Variants in LRP5 observed in about 807,000 individuals in gnomAD.
LRP5 encodes LDL receptor related protein 5.
In LRP5, 62 loss-of-function variants were observed where a neutral mutation model predicts 154.1. The ratio of observed to expected loss-of-function variants is 0.40; its 90% confidence interval spans 0.33 to 0.50. LRP5 has a LOEUF of 0.50. Ranked by LOEUF, LRP5 falls within the 20% of genes least tolerant of loss-of-function variation. The pLI is 0.55. For missense variants in LRP5, 1,915 were observed against 2,336.7 expected, an observed-to-expected ratio of 0.82 and a Z score of 3.72; for synonymous variants, 966 against 1,011.5, an observed-to-expected ratio of 0.96 and a Z score of 0.85.
chr11:68,300,523 CA>C, the LRP5 span, among the ~76,000 whole-genome samples: 1 of 149,664 alleles, frequency 6.7e-6, no homozygotes, highest in Non-Finnish European at 1.5e-5. Context: ...CTCCAAGCTT[CA>C]GGGGGCCCCA....
At chr11:68,389,138 A>T (rs1326363877) in intron 6 of LRP5, among the ~76,000 whole-genome samples, 1 of 1,696 alleles carries the variant, frequency 5.9e-4, no homozygotes, top group Non-Finnish European at 1.5e-3. Flanking sequence ...ACCGACACCA[A>T]CATTTACCAA....
At chr11:68,412,497 T>C (rs778964857) in intron 11 of LRP5, among the ~76,000 whole-genome samples, 8 of 152,010 alleles carry the variant, frequency 5.3e-5, no homozygotes, top group Non-Finnish European at 1.2e-4. Context: ...TTTTAAAAAT[T>C]AGCTGGGCAT....
intron 5 of LRP5, among the ~76,000 whole-genome samples, chr11:68,379,077 A>T (rs1245097888): frequency 6.6e-6 from 1 of 152,020 alleles, no homozygotes; most frequent in Non-Finnish European, 1.5e-5. Flanking sequence ...ATAAATAAAT[A>T]CATAAATTGA....
At chr11:68,439,503 C>G (rs774951679) in intron 20 of LRP5, among the ~76,000 whole-genome samples, 4 of 152,228 alleles carry the variant, frequency 2.6e-5, no homozygotes, top group African/African-American at 4.8e-5. Flanking sequence ...TCCTGGCGTG[C>G]TCTGTGCTGC....
chr11:68,440,103 T>G (rs2098677379), intron 21 of LRP5, 187 bp downstream of exon 21: 1 of 621,808 alleles, frequency 1.6e-6, no homozygotes, highest in East Asian at 2.8e-5. Context: ...TTGTGGATAA[T>G]CTGAAAACTA....
At chr11:68,448,458 CACTTTTATCAATGAGAA>C (rs1341903213) in intron 22 of LRP5, among the ~76,000 whole-genome samples, 5 of 152,376 alleles carry the variant, frequency 3.3e-5, no homozygotes, top group African/African-American at 1.2e-4. Flanking sequence ...ATTTCATCCC[CACTTTTATCAATGAGAA>C]ACTAAAGCTC....
chr11:68,325,516 C>G (rs2098599149), intron 1 of LRP5, among the ~76,000 whole-genome samples: 1 of 152,194 alleles, frequency 6.6e-6, no homozygotes, highest in Non-Finnish European at 1.5e-5. Flanking sequence ...TTGGGGTGTG[C>G]TGGGCAGCAA....
chr11:68,445,647 G>T, intron 21 of LRP5: 1 of 1,319,242 alleles, frequency 7.6e-7, no homozygotes, highest in Admixed American at 2.3e-5. Flanking sequence ...TTGGGAAGCT[G>T]CATGTTGGGT....
At position 68,386,464 on chromosome 11, in the gene LRP5, C is replaced by T; in HGVS notation, c.1164C>T (p.Tyr388=). 6.2e-7 allele frequency: 1 copy of T among 1,614,124 alleles called. No homozygotes were observed. Among genetic ancestry groups the T allele is most frequent in the Non-Finnish European group, 8.5e-7 (1 of 1,180,030 alleles). Residue 388 remains tyrosine, a synonymous_variant, in exon 6 of 23, where the codon TAC becomes TAT. Transcript: ENST00000294304. The surrounding 1 kb of genome is among the most constrained non-coding windows in gnomAD (Gnocchi z 7.9). ...IDYDPLEGYV[Y]WTDDEVRAIR... Reference sequence around the variant, plus strand: ...ACGACCCGCTAGAGGGCTATGTCTACTGGACAGATGACGAGGTGCGGGCCA... The same window carrying T: ...ACGACCCGCTAGAGGGCTATGTCTATTGGACAGATGACGAGGTGCGGGCCA...
At chr11:68,379,655 C>T (rs1344487397) in intron 5 of LRP5, among the ~76,000 whole-genome samples, 1 of 152,168 alleles carries the variant, frequency 6.6e-6, no homozygotes, top group Non-Finnish European at 1.5e-5. Context: ...GGTGTTGTCC[C>T]TATTGACTTG....
chr11:68,312,041 T>G (rs886776966), upstream of LRP5, among the ~76,000 whole-genome samples: 1 of 152,244 alleles, frequency 6.6e-6, no homozygotes, highest in African/African-American at 2.4e-5. Context: ...CTAGAGGCAC[T>G]TTTAGAGGAG....
At chr11:68,324,694 C>T (rs569271522) in intron 1 of LRP5, among the ~76,000 whole-genome samples, 98 of 152,388 alleles carry the variant, frequency 6.4e-4, no homozygotes, top group African/African-American at 2.2e-3. Context: ...TTCTGCTCAT[C>T]GTCCAGCTGT....
chr11:68,313,560 G>T (rs1439424457), intron 1 of LRP5, among the ~76,000 whole-genome samples: 3 of 152,356 alleles, frequency 2.0e-5, no homozygotes, highest in East Asian at 3.9e-4. Flanking sequence ...TGTTTCCCAG[G>T]GGGTGGAGTT....
chr11:68,306,220 C>G, the LRP5 span, among the ~76,000 whole-genome samples: 3 of 152,208 alleles, frequency 2.0e-5, no homozygotes, highest in Non-Finnish European at 4.4e-5. Context: ...ACTGCAACCT[C>G]CGCCTCCCAG....
chr11:68,425,174 C>T lies in LRP5; in HGVS notation c.3309C>T (p.Arg1103=), dbSNP rs141446007. 3.0e-5 allele frequency: 48 copies of T among 1,613,732 alleles called. No homozygotes were observed. In the African/African-American group the frequency reaches 4.3e-4, roughly 14 times the overall value. The change falls in exon 15 of 23, where the codon CGC becomes CGT. Residue 1103 remains arginine, a synonymous_variant. Coordinates refer to ENST00000294304, the MANE Select transcript of LRP5 (RefSeq NM_002335.4). The part of the protein sequence containing the change: ...IERAALDGTE[R]EVLFTTGLIR... ...GCGCAGCCCTGGACGGCACCGAGCG[C>T]GAGGTCCTCTTCACCACCGGCCTCA... is the stretch of plus-strand genomic sequence containing the variant.
Position 68,426,106 on chromosome 11 carries a change from G to T in LRP5, c.3556G>T (p.Asp1186Tyr), listed in dbSNP as rs776416009. Residue 1186 changes from aspartate (D) to tyrosine (Y), a missense_variant, in exon 16 of 23, where the codon GAC becomes TAC. By Grantham distance (160) the Asp-to-Tyr change is radical (BLOSUM62 -3). Transcript: ENST00000294304. ...MIERVEKTTG[D>Y]KRTRIQGRVA... Reference sequence around the variant, plus strand: ...CGAGCGTGTGGAGAAGACCACCGGGGACAAGCGGACTCGCATCCAGGGCCG... The same window carrying T: ...CGAGCGTGTGGAGAAGACCACCGGGTACAAGCGGACTCGCATCCAGGGCCG... 1.9e-5 allele frequency: 31 copies of T among 1,613,314 alleles called. No homozygotes were observed. The highest frequency in any genetic ancestry group is 2.5e-5 in the Non-Finnish European group (30 of 1,180,044).
At position 68,410,112 on chromosome 11, in the gene LRP5, A is replaced by C; in HGVS notation, c.2290A>C (p.Arg764=). Reference sequence around the variant, plus strand: ...CGTGTGGAGGGACTTGGACAACCCGAGGTCGCTGGCCCTGGATCCCACCAA... The same window carrying C: ...CGTGTGGAGGGACTTGGACAACCCGCGGTCGCTGGCCCTGGATCCCACCAA... ...VLVWRDLDNP[R]SLALDPTKGY... Residue 764 remains arginine (R), a synonymous_variant, in exon 10 of 23, where the codon AGG becomes CGG. Coordinates refer to ENST00000294304, the MANE Select transcript of LRP5 (RefSeq NM_002335.4). 6.2e-7 allele frequency: 1 copy of C among 1,613,850 alleles called. No homozygotes were observed. The highest frequency in any genetic ancestry group is 1.1e-5 in the South Asian group (1 of 91,072).
At chr11:68,412,724 A>AG (rs2098660325) in intron 11 of LRP5, among the ~76,000 whole-genome samples, 1 of 151,872 alleles carries the variant, frequency 6.6e-6, no homozygotes, top group Middle Eastern at 3.5e-3. Flanking sequence ...CAGACAAGGG[A>AG]GGAGAGGGTC....
intron 1 of LRP5, among the ~76,000 whole-genome samples, chr11:68,341,448 C>T (rs967624515): frequency 3.9e-5 from 6 of 152,112 alleles, no homozygotes; most frequent in East Asian, 1.9e-4. Flanking sequence ...CCCTTCTCCT[C>T]CTTCTCAAAT....
Sources: gnomAD v4.1 joint callset for allele counts (sites outside exome capture counted in the v4.1 genomes callset) on GRCh38, gnomAD v4.1.1 for gene constraint, Gnocchi (gnomAD v3.1) non-coding constraint, MANE v1.5 for transcripts, NCBI Gene and HGNC (gene_info 2026-07-23, HGNC 2026-07-21) for gene names.